IFT70A: variants seen among roughly 807,000 people sequenced by gnomAD.
IFT70A encodes the protein intraflagellar transport protein 70A.
At chr2:177,615,096 A>C in the IFT70A span, 1 of 152,238 alleles carries the variant, frequency 6.6e-6, no homozygotes, top group Admixed American at 6.5e-5. Context: ...AGATTTGGAC[A>C]TGCAGGAGAT....
the IFT70A span, chr2:177,614,621 A>G: frequency 9.9e-5 from 15 of 152,188 alleles, no homozygotes; most frequent in Non-Finnish European, 1.5e-4. Flanking sequence ...CACTCACTTG[A>G]CACTTACTGC....
the IFT70A span, chr2:177,616,665 T>C: frequency 2.0e-6 from 3 of 1,472,582 alleles, no homozygotes; most frequent in Non-Finnish European, 2.7e-6. Flanking sequence ...GTGTGGTACG[T>C]AAGAAAGCCA....
chr2:177,615,132 T>C, the IFT70A span: 1 of 152,228 alleles, frequency 6.6e-6, no homozygotes. Flanking sequence ...AAGTACATCA[T>C]TAGCTAAATC....
the IFT70A span, chr2:177,616,124 A>G: frequency 1.3e-5 from 2 of 152,246 alleles, no homozygotes; most frequent in Admixed American, 6.5e-5. Context: ...AGAAATTCCC[A>G]TTATACTTGT....
the IFT70A span, chr2:177,616,489 T>C: frequency 2.6e-6 from 1 of 390,194 alleles, no homozygotes; most frequent in Non-Finnish European, 4.5e-6. Context: ...CAGATGATTG[T>C]CACTAGTAGG....
At chr2:177,616,019 G>A in the IFT70A span, 2 of 150,700 alleles carry the variant, frequency 1.3e-5, no homozygotes, top group African/African-American at 2.4e-5. Context: ...GAAGAAAAAC[G>A]TTTATTATAA....
chr2:177,617,266 A>G, the IFT70A span: 2 of 1,576,264 alleles, frequency 1.3e-6, no homozygotes, highest in East Asian at 2.2e-5. Context: ...ATAGAAACCA[A>G]TGGCTTCTTT....
the IFT70A span, chr2:177,614,662 G>A: frequency 6.6e-6 from 1 of 152,082 alleles, no homozygotes; most frequent in African/African-American, 2.4e-5. Context: ...TTTATACCTG[G>A]TTGAGGTTCA....
At chr2:177,617,868 T>G in the IFT70A span, 60,678 of 1,614,186 alleles carry the variant, frequency 0.038, 1,656 homozygotes, top group African/African-American at 0.15. Context: ...CTGCCCTGGG[T>G]GGCATGTCGG....
At chr2:177,616,806 T>C in the IFT70A span, 1 of 1,599,640 alleles carries the variant, frequency 6.3e-7, no homozygotes, top group Admixed American at 1.8e-5. Flanking sequence ...CTTCGAGGGG[T>C]TGTTCAATAA....
chr2:177,618,625 C>T, the IFT70A span: 1 of 1,609,476 alleles, frequency 6.2e-7, no homozygotes, highest in East Asian at 2.2e-5. Flanking sequence ...CTCGGCGTAG[C>T]GGGCATCGCG....
the IFT70A span, chr2:177,616,813 A>G: frequency 5.0e-6 from 8 of 1,601,662 alleles, no homozygotes; most frequent in Non-Finnish European, 6.8e-6. Context: ...GGGTTGTTCA[A>G]TAACAGCAGG....
the IFT70A span, chr2:177,618,315 C>T: frequency 6.2e-7 from 1 of 1,614,034 alleles, no homozygotes; most frequent in Non-Finnish European, 8.5e-7. Context: ...TGGACCCTGG[C>T]AGATCGCCCT....
the IFT70A span, chr2:177,613,346 G>A: frequency 2.0e-5 from 3 of 152,318 alleles, no homozygotes; most frequent in East Asian, 3.9e-4. Flanking sequence ...TTTCAGCAAA[G>A]TGTTGCTGTT....
the IFT70A span, chr2:177,616,930 A>C: frequency 6.2e-7 from 1 of 1,603,312 alleles, no homozygotes; most frequent in East Asian, 2.2e-5. Context: ...TAACAAGGAC[A>C]GGAAGCATCT....
the IFT70A span, chr2:177,618,563 C>T: frequency 3.1e-5 from 50 of 1,598,138 alleles, no homozygotes; most frequent in South Asian, 4.9e-4. Flanking sequence ...AGCGACAGGC[C>T]GGCACGGCTC....
At chr2:177,616,778 C>T in the IFT70A span, 2 of 1,587,364 alleles carry the variant, frequency 1.3e-6, no homozygotes, top group African/African-American at 2.7e-5. Flanking sequence ...GTATTCTTCC[C>T]AACATGCATT....
the IFT70A span, chr2:177,613,944 C>CT: frequency 6.6e-6 from 1 of 152,104 alleles, no homozygotes; most frequent in African/African-American, 2.4e-5. Flanking sequence ...CTCACTTAAA[C>CT]TAACAAATGC....
chr2:177,617,764 A>G, the IFT70A span: 3 of 1,614,176 alleles, frequency 1.9e-6, no homozygotes, highest in Non-Finnish European at 2.5e-6. Context: ...ATTCTGTTGG[A>G]GCAAAAACTG....
Sources: gnomAD v4.1 joint callset for allele counts on GRCh38, gnomAD v4.1.1 for gene constraint, MANE v1.5 for transcripts, NCBI Gene and HGNC (gene_info 2026-07-23, HGNC 2026-07-21) for gene names.